OCA2: variants seen among roughly 807,000 people sequenced by gnomAD.
OCA2 encodes P protein.
In OCA2, 77 loss-of-function variants were observed where a neutral mutation model predicts 100.2. That is an observed-to-expected ratio of 0.77 (90% CI 0.64 to 0.93). The LOEUF is 0.93. Among genes scored for constraint, OCA2 ranks in the 40% least tolerant of loss-of-function variants. OCA2 has a pLI of 0.00. For missense variants in OCA2, 1,062 were observed against 1,089.1 expected (o/e 0.98, Z 0.35); for synonymous variants, 432 against 439.2 (o/e 0.98, Z 0.21).
At chr15:27,983,828 G>A (rs947887471) in intron 13 of OCA2, among the ~76,000 whole-genome samples, 3 of 152,000 alleles carry the variant, frequency 2.0e-5, no homozygotes, top group Non-Finnish European at 4.4e-5. Flanking sequence ...GGTCAGTGTG[G>A]AGGCAGTGCG....
the OCA2 span, among the ~76,000 whole-genome samples, chr15:27,738,945 A>G: frequency 6.6e-6 from 1 of 151,558 alleles, no homozygotes; most frequent in Admixed American, 6.6e-5. Flanking sequence ...TCGACAGTCT[A>G]GAAGAAGAGT....
chr15:27,751,705 C>T (rs956401582), downstream of OCA2, among the ~76,000 whole-genome samples: 5 of 152,172 alleles, frequency 3.3e-5, no homozygotes, highest in Non-Finnish European at 5.9e-5. Flanking sequence ...ATCCCAAGGG[C>T]AGACACACAC....
In OCA2 at chr15:27,755,040, G is replaced by A. The variant is rs974953317; in HGVS notation, c.*348C>T. The A allele has an allele frequency of 3.4e-6, 1 of 291,714 alleles. No individual in the cohort carries two copies. The highest frequency in any genetic ancestry group is 6.7e-6 in the Non-Finnish European group (1 of 148,516). The allele number at this position is 291,714 out of a possible 1,614,324, so 18.1% of individuals were successfully genotyped here. ...AACTGTGTTTAGCCTCAGGAGAATT[G>A]ACAGTTAAACAGTACAGTCAATTTT... On this transcript the variant is annotated 3_prime_UTR_variant, in exon 24 of 24. Coordinates refer to ENST00000354638, the MANE Select transcript of OCA2 (RefSeq NM_000275.3).
intron 23 of OCA2, among the ~76,000 whole-genome samples, chr15:27,833,267 T>C (rs1309961848): frequency 2.0e-5 from 3 of 152,394 alleles, no homozygotes; most frequent in African/African-American, 4.8e-5. Flanking sequence ...AAGCTTCCTT[T>C]ACTTCAAAAA....
intron 20 of OCA2, 87 bp from the exon 21 acceptor site, chr15:27,871,345 G>A: frequency 1.0e-6 from 1 of 960,396 alleles, no homozygotes; most frequent in African/African-American, 1.6e-5. Context: ...AGGGGCCCGA[G>A]GGTGTTAGTC....
chr15:27,855,743 GAC>G (rs1484867570), intron 21 of OCA2, among the ~76,000 whole-genome samples: 1 of 152,150 alleles, frequency 6.6e-6, no homozygotes, highest in Non-Finnish European at 1.5e-5. Flanking sequence ...GTAAATATAA[GAC>G]ACAAAAATCC....
chr15:28,023,340 T>C (rs1476236818), intron 5 of OCA2, among the ~76,000 whole-genome samples: 1 of 152,196 alleles, frequency 6.6e-6, no homozygotes, highest in Non-Finnish European at 1.5e-5. Context: ...ATGGGTTGGT[T>C]ATTAAGAAGT....
chr15:27,898,391 G>A (rs1036495212), intron 19 of OCA2, among the ~76,000 whole-genome samples: 25 of 152,288 alleles, frequency 1.6e-4, no homozygotes, highest in Admixed American at 5.9e-4. Flanking sequence ...CACTGTTCTC[G>A]TGATAGTGAA....
At chr15:27,887,041 G>A (rs778712491) in intron 19 of OCA2, among the ~76,000 whole-genome samples, 5 of 152,160 alleles carry the variant, frequency 3.3e-5, no homozygotes, top group Admixed American at 1.3e-4. Context: ...TAAGTCTCAC[G>A]AGACCTGATG....
At chr15:27,791,837 G>C (rs1485902613) in intron 23 of OCA2, among the ~76,000 whole-genome samples, 10 of 152,308 alleles carry the variant, frequency 6.6e-5, no homozygotes, top group Non-Finnish European at 2.9e-5. Context: ...GATTCTTTTA[G>C]ACCTCTGTTT....
rs906766739 is a variant in OCA2, at chr15:27,933,755, A to G, written c.1952-7501T>C. 3.9e-5 allele frequency among the ~76,000 whole-genome samples: 6 copies of G among 152,232 alleles called. No homozygotes were observed. In the South Asian group the frequency reaches 1.2e-3, roughly 32 times the overall value. On this transcript the variant is annotated intron_variant, in intron 18 of 23. Transcript: ENST00000354638. ...ATGGATCCATCAGTTGGGACAGCGC[A>G]GGAACAAGTCATAGCGGAATGTTGT...
chr15:28,082,357 C>G (rs979242211), intron 1 of OCA2, among the ~76,000 whole-genome samples: 2 of 152,202 alleles, frequency 1.3e-5, no homozygotes, highest in Non-Finnish European at 2.9e-5. Context: ...CACAGTAAAT[C>G]TTGCTGCTGC....
chr15:27,770,939 C>CCTCCCTCTT (rs2031765285), intron 23 of OCA2, among the ~76,000 whole-genome samples: 1 of 107,544 alleles, frequency 9.3e-6, no homozygotes, highest in Non-Finnish European at 2.3e-5. Flanking sequence ...TCCTTTCTTC[C>CCTCCCTCTT]TTCCTTGCTT....
chr15:28,056,489 A>C (rs2043701835), intron 2 of OCA2, among the ~76,000 whole-genome samples: 1 of 152,216 alleles, frequency 6.6e-6, no homozygotes, highest in South Asian at 2.1e-4. Context: ...AGGACCCTGC[A>C]CTGGGAAAAC....
At chr15:27,884,914 C>A (rs2037163967) in intron 19 of OCA2, among the ~76,000 whole-genome samples, 1 of 152,126 alleles carries the variant, frequency 6.6e-6, no homozygotes, top group Non-Finnish European at 1.5e-5. Context: ...TTAGAGACTG[C>A]ACAGATCGGT....
rs201819436 is a variant in OCA2 at position 28,032,100 on chromosome 15, G to A, written c.291C>T (p.Asn97=). ...GTAAGGAATTCCTCAGCAAAGGAGT[G>A]TTTTCTGTAAAGCAGGAATCTTTAG... ...SRSKDSCFTE[N]TPLLRNSLQE... is the part of the protein sequence containing the mutation. Residue 97 remains asparagine (N), a synonymous_variant, in exon 3 of 24, where the codon AAC becomes AAT. Transcript: ENST00000354638. 9 of 1,614,054 alleles carry A rather than the reference G, an allele frequency of 5.6e-6. No homozygotes were observed. The highest frequency in any genetic ancestry group is 7.6e-6 in the Non-Finnish European group (9 of 1,179,926).
At chr15:27,882,187 C>A (rs2037047101) in intron 19 of OCA2, among the ~76,000 whole-genome samples, 2 of 152,176 alleles carry the variant, frequency 1.3e-5, no homozygotes, top group Admixed American at 6.5e-5. Context: ...GTTTCTTATT[C>A]TTCAGTGAAA....
intron 6 of OCA2, 127 bp downstream of exon 6, chr15:28,022,374 A>G: frequency 1.5e-6 from 1 of 647,084 alleles, no homozygotes; most frequent in Non-Finnish European, 2.6e-6. Context: ...CATCCTGGAG[A>G]AACAAAATTC....
At chr15:28,036,047 T>C (rs1360184543) in intron 2 of OCA2, among the ~76,000 whole-genome samples, 1 of 152,240 alleles carries the variant, frequency 6.6e-6, no homozygotes, top group Non-Finnish European at 1.5e-5. Context: ...TGCCTTGTCC[T>C]CTAATTGTTC....
Sources: gnomAD v4.1 joint callset for allele counts (sites outside exome capture counted in the v4.1 genomes callset) on GRCh38, gnomAD v4.1.1 for gene constraint, MANE v1.5 for transcripts, NCBI Gene and HGNC (gene_info 2026-07-23, HGNC 2026-07-21) for gene names.